Variants in PCDH7 observed in about 807,000 individuals in gnomAD.
PCDH7 encodes the protein protocadherin-7.
Under a neutral mutation model 58.9 loss-of-function variants are expected in PCDH7, and 17 were observed. That is an observed-to-expected ratio of 0.29 (90% confidence interval 0.20 to 0.43). The LOEUF is 0.43. Among genes scored for constraint, PCDH7 ranks in the 20% least tolerant of loss-of-function variants. The pLI, the probability that PCDH7 is intolerant of heterozygous loss-of-function variation, is 1.00. For synonymous variants in PCDH7, 664 were observed against 616.4 expected (o/e 1.08, Z -1.14); for missense variants, 1,274 against 1,441.0 (o/e 0.88, Z 1.88).
exon 4 of PCDH7, chr4:31,142,950 C>A (rs1720436495): frequency 2.3e-6 from 2 of 888,448 alleles, no homozygotes; most frequent in Non-Finnish European, 3.1e-6. Flanking sequence ...GAGGGGGCTA[C>A]CAAAGAGACA....
At chr4:30,733,699 A>G (rs1715847042), downstream of PCDH7, among the ~76,000 whole-genome samples, 1 of 152,236 alleles carries the variant, frequency 6.6e-6, no homozygotes, top group Non-Finnish European at 1.5e-5. Context: ...GCACCAGTTT[A>G]CCAAGGTGAG....
At chr4:30,746,929 A>G (rs1717854578) in intron 1 of PCDH7, among the ~76,000 whole-genome samples, 1 of 152,152 alleles carries the variant, frequency 6.6e-6, no homozygotes, top group East Asian at 1.9e-4. Flanking sequence ...ATTTCGAAAT[A>G]TAGGTCATTT....
At chr4:30,897,941 C>A (rs1739663872) in intron 1 of PCDH7, among the ~76,000 whole-genome samples, 2 of 152,104 alleles carry the variant, frequency 1.3e-5, no homozygotes, top group African/African-American at 4.8e-5. Context: ...AGCTCTCTGC[C>A]TTGTAATGGT....
chr4:31,000,357 A>G (rs372124524), intron 3 of PCDH7, among the ~76,000 whole-genome samples: 4 of 152,142 alleles, frequency 2.6e-5, no homozygotes, highest in African/African-American at 9.6e-5. Context: ...TGAAATATAT[A>G]CACAGACATC....
chr4:30,808,883 C>T (rs1726606617), intron 1 of PCDH7, among the ~76,000 whole-genome samples: 2 of 152,128 alleles, frequency 1.3e-5, no homozygotes, highest in African/African-American at 4.8e-5. Context: ...AAAAACCTCT[C>T]AACTTAGAGG....
intron 1 of PCDH7, chr4:30,885,139 A>G (rs1239563968): frequency 6.6e-6 from 1 of 152,126 alleles, no homozygotes; most frequent in Non-Finnish European, 1.5e-5. Flanking sequence ...TAGATTTTTA[A>G]TTACTCTAGT....
At chr4:31,051,816 G>A (rs1756752901) in intron 3 of PCDH7, among the ~76,000 whole-genome samples, 1 of 140,634 alleles carries the variant, frequency 7.1e-6, no homozygotes, top group South Asian at 2.3e-4. Flanking sequence ...CAAAACCAAA[G>A]CATTGTTGGG....
At chr4:31,009,435 G>A (rs944396493) in intron 3 of PCDH7, among the ~76,000 whole-genome samples, 5 of 151,828 alleles carry the variant, frequency 3.3e-5, no homozygotes, top group African/African-American at 7.3e-5. Context: ...ACACAGAGAC[G>A]CATTATATAT....
rs374264164 is a variant in PCDH7, at chr4:31,053,031, C to CT, written c.*8-89435dup. On this transcript the variant is annotated intron_variant, in intron 3 of 3. Coordinates refer to the PCDH7 transcript ENST00000509759. ...TTTTTACCAGCGCTTTCTTTAATGG[C>CT]TTTTTTTGAGAAATCAGATGCCAGA... Among the ~76,000 whole-genome samples the CT allele has an allele frequency of 4.0e-4, 61 of 151,966 alleles. 1 individual carries two copies. Among genetic ancestry groups the CT allele is most frequent in the Admixed American group, 9.2e-4 (14 of 15,242 alleles).
intron 3 of PCDH7, among the ~76,000 whole-genome samples, chr4:31,142,032 A>C (rs1306407265): frequency 2.0e-5 from 3 of 152,214 alleles, no homozygotes; most frequent in African/African-American, 7.2e-5. Context: ...AGCAGGAAGA[A>C]ATCCAATTGG....
chr4:31,073,801 G>A (rs1366053800), intron 3 of PCDH7, among the ~76,000 whole-genome samples: 2 of 152,034 alleles, frequency 1.3e-5, no homozygotes, highest in Admixed American at 6.6e-5. Flanking sequence ...TCCTTTTCAA[G>A]ATATGCAGTA....
intron 1 of PCDH7, among the ~76,000 whole-genome samples, chr4:30,845,581 G>A (rs1731823933): frequency 6.6e-6 from 1 of 152,046 alleles, no homozygotes; most frequent in Non-Finnish European, 1.5e-5. Context: ...TAGGAAATAG[G>A]ATGGTTTACT....
At chr4:30,777,520 C>T (rs1207312123) in intron 1 of PCDH7, among the ~76,000 whole-genome samples, 3 of 152,092 alleles carry the variant, frequency 2.0e-5, no homozygotes, top group African/African-American at 4.8e-5. Context: ...TAGAATCACA[C>T]TGTATGGGAG....
At chr4:30,753,630 G>A (rs1046213329) in intron 1 of PCDH7, among the ~76,000 whole-genome samples, 3 of 152,306 alleles carry the variant, frequency 2.0e-5, no homozygotes, top group African/African-American at 7.2e-5. Flanking sequence ...GCAAAGACAT[G>A]TTTTTGGCTC....
rs57657077 is a variant in PCDH7, at chr4:30,776,858, G to GGTGTGTGT, written c.70+52283_70+52290dup. Among the ~76,000 whole-genome samples, 699 of 147,704 alleles carry GGTGTGTGT rather than the reference G, an allele frequency of 4.7e-3. 6 individuals are homozygous for GGTGTGTGT. Among genetic ancestry groups the GGTGTGTGT allele is most frequent in the African/African-American group, 0.016 (628 of 40,254 alleles). On this transcript the variant is annotated intron_variant, in intron 1 of 3. Coordinates refer to the PCDH7 transcript ENST00000509759. ...AAATATGATTATAATTTTGATATGT[G>GGTGTGTGT]GTGTGTGTGTGTGTGTGTGTGTGTG...
intron 2 of PCDH7, among the ~76,000 whole-genome samples, chr4:30,941,833 A>C (rs1005461686): frequency 6.6e-6 from 1 of 151,986 alleles, no homozygotes; most frequent in African/African-American, 2.4e-5. Flanking sequence ...AGGTGGAGTT[A>C]GAAACCTGTC....
chr4:30,783,439 G>A (rs1723032841), intron 1 of PCDH7, among the ~76,000 whole-genome samples: 1 of 152,138 alleles, frequency 6.6e-6, no homozygotes, highest in African/African-American at 2.4e-5. Context: ...AATATTCATG[G>A]AATCATTTTA....
At chr4:30,747,589 A>G (rs1003986844) in intron 1 of PCDH7, among the ~76,000 whole-genome samples, 2 of 152,194 alleles carry the variant, frequency 1.3e-5, no homozygotes, top group South Asian at 2.1e-4. Context: ...TTTTTCTCCT[A>G]TCTCTTCATT....
At chr4:30,886,691 T>C (rs1028275752) in intron 1 of PCDH7, among the ~76,000 whole-genome samples, 18 of 151,506 alleles carry the variant, frequency 1.2e-4, no homozygotes, top group Admixed American at 7.2e-4. Flanking sequence ...TATTGCGGCA[T>C]TATTCACAAT....
Sources: allele counts gnomAD v4.1 joint callset (sites outside exome capture counted in the v4.1 genomes callset), GRCh38; gene constraint gnomAD v4.1.1; transcripts MANE v1.5; gene names NCBI Gene and HGNC (gene_info 2026-07-23, HGNC 2026-07-21).